Variants in SCAPER observed in about 807,000 individuals in gnomAD.
SCAPER encodes S phase cyclin A-associated protein in the endoplasmic reticulum.
SCAPER carries 98 observed loss-of-function variants against 182.2 expected under a neutral mutation model. That is an observed-to-expected ratio of 0.54 (90% confidence interval 0.46 to 0.64). The LOEUF (loss-of-function observed/expected upper bound fraction) is 0.64. Among genes scored for constraint, SCAPER ranks in the 30% least tolerant of loss-of-function variants. The probability of loss-of-function intolerance (pLI) is 0.00; values close to 1 mark genes in which losing one functional copy is unlikely to be tolerated. For synonymous variants in SCAPER, 605 were observed against 564.6 expected, an observed-to-expected ratio of 1.07 and a Z score of -1.01; for missense variants, 1,432 against 1,690.0, an observed-to-expected ratio of 0.85 and a Z score of 2.68.
In SCAPER at chr15:76,595,455, T is replaced by G. The variant is rs1240170723; in HGVS notation, c.2712-21171A>C. ...TCAGGACTTGAACTTGGCTCTGGACTAAGTGGACCAAATAGACATCTACAG... is the reference window on the plus strand; with the variant it reads ...TCAGGACTTGAACTTGGCTCTGGACGAAGTGGACCAAATAGACATCTACAG... On this transcript the variant is annotated intron_variant, in intron 22 of 31. Transcript: ENST00000563290. Among the ~76,000 whole-genome samples, 2 of 121,432 alleles carry G rather than the reference T, an allele frequency of 1.6e-5. 1 individual carries two copies. The highest frequency in any genetic ancestry group is 4.0e-5 in the Non-Finnish European group (2 of 49,966). The allele number at this position is 121,432 out of a possible 152,430, so 79.7% of individuals were successfully genotyped here.
At chr15:76,502,514 T>G (rs541332410) in intron 24 of SCAPER, among the ~76,000 whole-genome samples, 1 of 151,740 alleles carries the variant, frequency 6.6e-6, no homozygotes, top group African/African-American at 2.4e-5. Flanking sequence ...TAGGTGGGAA[T>G]TGAACAATGA....
intron 16 of SCAPER, among the ~76,000 whole-genome samples, chr15:76,731,524 T>A (rs1204681477): frequency 6.6e-6 from 1 of 152,156 alleles, no homozygotes; most frequent in Non-Finnish European, 1.5e-5. Flanking sequence ...AAAAATAAAA[T>A]GGATGGAGGG....
chr15:76,843,471 C>T (rs548897398), intron 4 of SCAPER, among the ~76,000 whole-genome samples: 8 of 152,270 alleles, frequency 5.3e-5, no homozygotes, highest in African/African-American at 1.9e-4. Context: ...AGAACTCAAT[C>T]TTTCAATTTC....
intron 15 of SCAPER, among the ~76,000 whole-genome samples, chr15:76,735,791 G>C (rs976153223): frequency 6.6e-6 from 1 of 151,406 alleles, no homozygotes; most frequent in Non-Finnish European, 1.5e-5. Context: ...TAGCACTGAA[G>C]AATTTGACAA....
intron 4 of SCAPER, among the ~76,000 whole-genome samples, chr15:76,848,333 T>TG (rs1491413809): frequency 1.2e-3 from 70 of 60,174 alleles, no homozygotes; most frequent in Non-Finnish European, 1.6e-3. Flanking sequence ...GTTTTTTTTT[T>TG]TTTTTTTTTT....
chr15:76,804,769 A>G (rs1238338388), intron 5 of SCAPER, 136 bp from the exon 6 acceptor site: 1 of 462,816 alleles, frequency 2.2e-6, no homozygotes, highest in African/African-American at 2.0e-5. Flanking sequence ...TAAGTTACAG[A>G]TTTTTTTTTT....
intron 7 of SCAPER, among the ~76,000 whole-genome samples, chr15:76,796,420 C>T (rs1052530629): frequency 6.6e-6 from 1 of 152,124 alleles, no homozygotes; most frequent in African/African-American, 2.4e-5. Flanking sequence ...TAATGGTCTA[C>T]TTAATATTTA....
At chr15:76,710,255 T>C (rs2150863821) in intron 17 of SCAPER, among the ~76,000 whole-genome samples, 1 of 152,278 alleles carries the variant, frequency 6.6e-6, no homozygotes, top group Non-Finnish European at 1.5e-5. Context: ...CATAAGCCTT[T>C]ATGTATAAAA....
chr15:76,561,527 C>T (rs2046621401), intron 23 of SCAPER, among the ~76,000 whole-genome samples: 1 of 151,826 alleles, frequency 6.6e-6, no homozygotes, highest in South Asian at 2.1e-4. Flanking sequence ...TTTAATAAAA[C>T]CGATACTTGA....
At chr15:76,609,968 C>T (rs1037266479) in intron 22 of SCAPER, among the ~76,000 whole-genome samples, 16 of 152,082 alleles carry the variant, frequency 1.1e-4, no homozygotes, top group African/African-American at 1.9e-4. Flanking sequence ...TATGATAAAA[C>T]CCCAGAAGGT....
Position 76,717,029 on chromosome 15 carries a change from G to C in SCAPER, c.2166-11045C>G, listed in dbSNP as rs1206029064. ...AATGAAATAGTTTTAAAAACAGCAA[G>C]AGAAAACTGTCTAGTCACATATAAG... On this transcript the variant is annotated intron_variant, in intron 17 of 31. Coordinates refer to ENST00000563290, the MANE Select transcript of SCAPER (RefSeq NM_020843.4). 3.3e-5 allele frequency among the ~76,000 whole-genome samples: 5 copies of C among 150,912 alleles called. No homozygotes were observed. In the East Asian group the frequency reaches 9.8e-4, roughly 30 times the overall value.
intron 2 of SCAPER, among the ~76,000 whole-genome samples, chr15:76,868,025 G>A (rs1436973784): frequency 6.6e-6 from 1 of 151,876 alleles, no homozygotes; most frequent in Non-Finnish European, 1.5e-5. Flanking sequence ...TCTAAAGAAT[G>A]ATAGAGTCAT....
chr15:76,425,927 G>A lies in SCAPER; in HGVS notation c.3311+8151C>T, dbSNP rs186995980. On this transcript the variant is annotated intron_variant, in intron 26 of 31. Coordinates refer to ENST00000563290, the MANE Select transcript of SCAPER (RefSeq NM_020843.4). ...TCAGCAGCGGAGGCTGCAGAACAGC[G>A]AATATTGCTGAACAGCAAATGTTGC... 7.0e-3 allele frequency among the ~76,000 whole-genome samples: 1,065 copies of A among 152,306 alleles called. 8 individuals are homozygous for A. The highest frequency in any genetic ancestry group is 0.014 in the Middle Eastern group (4 of 294).
chr15:76,541,536 A>G (rs1460352604), intron 23 of SCAPER, among the ~76,000 whole-genome samples: 1 of 152,236 alleles, frequency 6.6e-6, no homozygotes, highest in Non-Finnish European at 1.5e-5. Context: ...CTCACCACCC[A>G]AAGACATGTA....
chr15:76,621,912 A>G, intron 21 of SCAPER, 83 bp from the exon 22 acceptor site: 4 of 957,300 alleles, frequency 4.2e-6, no homozygotes, highest in Non-Finnish European at 6.4e-6. Flanking sequence ...TTTTTCCCCT[A>G]TTAAATATAA....
At chr15:76,635,622 T>A (rs1468813683) in intron 21 of SCAPER, among the ~76,000 whole-genome samples, 1 of 152,232 alleles carries the variant, frequency 6.6e-6, no homozygotes, top group Non-Finnish European at 1.5e-5. Context: ...AGAGTGGACT[T>A]TCATGTCTTC....
chr15:76,475,108 A>G (rs1251188636), intron 24 of SCAPER, among the ~76,000 whole-genome samples: 1 of 152,236 alleles, frequency 6.6e-6, no homozygotes, highest in African/African-American at 2.4e-5. Flanking sequence ...TTATGCTGAT[A>G]AAAATAATTT....
chr15:76,376,564 AC>A lies in SCAPER; in HGVS notation c.3706-254del, dbSNP rs1409352181. On this transcript the variant is annotated intron_variant, in intron 28 of 31. Transcript: ENST00000563290. ...TACCACGTGGATCAAGACATTATCT[AC>A]CTAAAGCACAGTTATTTATTCTATT... Among the ~76,000 whole-genome samples the A allele has an allele frequency of 2.0e-5, 3 of 152,328 alleles. No homozygotes were observed. In the East Asian group the frequency reaches 5.8e-4, roughly 29 times the overall value.
chr15:76,532,242 C>T (rs2043738009), intron 23 of SCAPER, among the ~76,000 whole-genome samples: 1 of 152,124 alleles, frequency 6.6e-6, no homozygotes, highest in African/African-American at 2.4e-5. Flanking sequence ...CAATGCTCTC[C>T]CTCATCATAG....
Sources: allele counts gnomAD v4.1 joint callset (sites outside exome capture counted in the v4.1 genomes callset), GRCh38; gene constraint gnomAD v4.1.1; transcripts MANE v1.5; gene names NCBI Gene and HGNC (gene_info 2026-07-23, HGNC 2026-07-21).